Variants in PCDHGA2 observed in about 807,000 individuals in gnomAD.
PCDHGA2 encodes the protein protocadherin gamma-A2.
In PCDHGA2, 40 loss-of-function variants were observed where a neutral mutation model predicts 59.2. The observed-to-expected ratio is 0.68, with a 90% CI of 0.52 to 0.88. The LOEUF (loss-of-function observed/expected upper bound fraction) is 0.88, where lower values mean the gene tolerates loss of function less well. Among genes scored for constraint, PCDHGA2 ranks in the 40% least tolerant of loss-of-function variants. The pLI, the probability that PCDHGA2 is intolerant of heterozygous loss-of-function variation, is 0.00. For missense variants in PCDHGA2, 1,226 were observed against 1,204.0 expected (o/e 1.02, Z -0.27); for synonymous variants, 560 against 526.0 (o/e 1.06, Z -0.89).
At chr5:141,409,734 G>A in intron 1 of PCDHGA2, 1 of 1,613,144 alleles carries the variant, frequency 6.2e-7, no homozygotes, top group East Asian at 2.2e-5. Flanking sequence ...AGCGCGCAGA[G>A]CGGGGTGGTG....
intron 1 of PCDHGA2, chr5:141,419,140 G>A (rs1359933027): frequency 1.2e-6 from 2 of 1,613,750 alleles, no homozygotes; most frequent in East Asian, 2.2e-5. Flanking sequence ...CCACAGACAG[G>A]GGCAAGCCTC....
chr5:141,370,575 T>C (rs764870172), intron 1 of PCDHGA2: 17 of 1,613,766 alleles, frequency 1.1e-5, no homozygotes, highest in Admixed American at 1.7e-5. Context: ...CGTGGGGGAT[T>C]TACCTACTAG....
intron 1 of PCDHGA2, chr5:141,422,082 G>A (rs2096622921): frequency 6.2e-7 from 1 of 1,612,284 alleles, no homozygotes; most frequent in East Asian, 2.2e-5. Context: ...TTCGGAACAT[G>A]GAAAGCAAGG....
At chr5:141,389,227 C>A (rs1412412051) in intron 1 of PCDHGA2, 1 of 1,613,906 alleles carries the variant, frequency 6.2e-7, no homozygotes, top group Non-Finnish European at 8.5e-7. Context: ...GACAACGCTC[C>A]GGTTTTCTCA....
chr5:141,361,816 C>A, intron 1 of PCDHGA2: 2 of 1,613,084 alleles, frequency 1.2e-6, no homozygotes, highest in East Asian at 2.2e-5. Flanking sequence ...CAATGCGCCA[C>A]GGGTGCTGTA....
rs569220332 is a variant in PCDHGA2, at chr5:141,475,688, A to G, written c.2425-19119A>G. 2.0e-5 allele frequency among the ~76,000 whole-genome samples: 3 copies of G among 152,330 alleles called. No homozygotes were observed. In the South Asian group the frequency reaches 6.2e-4, roughly 32 times the overall value. On this transcript the variant is annotated intron_variant, in intron 1 of 3. Coordinates refer to ENST00000394576, the MANE Select transcript of PCDHGA2 (RefSeq NM_018915.4). ...TTTAATGAGTCTTGATTTGGATTGG[A>G]GACTTGCAGAACGGCTAGCCTCACA...
Position 141,431,655 on chromosome 5 carries a change from G to A in PCDHGA2, c.2425-63152G>A, listed in dbSNP as rs199998405. On this transcript the variant is annotated intron_variant, in intron 1 of 3. Transcript: ENST00000394576. This position sits in a 1 kb window ranked among gnomAD's most constrained non-coding sequence, Gnocchi z 4.8. Reference sequence around the variant, plus strand: ...GTTTTCAAACTAGATTGTAATTCAGGGACAATATCAACAATAGGGGAGTTG... The same window carrying A: ...GTTTTCAAACTAGATTGTAATTCAGAGACAATATCAACAATAGGGGAGTTG... 52 of 1,614,208 alleles carry A rather than the reference G, an allele frequency of 3.2e-5. No individual in the cohort carries two copies. The highest frequency in any genetic ancestry group is 3.3e-4 in the Middle Eastern group (2 of 6,062).
At position 141,476,813 on chromosome 5, in the gene PCDHGA2, A is replaced by G. The variant is rs749333814; in HGVS notation, c.2425-17994A>G. The G allele has an allele frequency of 6.8e-6, 11 of 1,613,548 alleles. No individual in the cohort carries two copies. Among genetic ancestry groups the G allele is most frequent in the Non-Finnish European group, 9.3e-6 (11 of 1,180,022 alleles). On this transcript the variant is annotated intron_variant, in intron 1 of 3. Transcript: ENST00000394576. The surrounding 1 kb of genome is among the most constrained non-coding windows in gnomAD (Gnocchi z 7.6). ...CTCCGCCAGCCTGCCTATTCACATC[A>G]AGGTGCTGGACGCGAATGACAATGC...
intron 1 of PCDHGA2, among the ~76,000 whole-genome samples, chr5:141,438,581 TACATAC>T (rs2097977343): frequency 4.0e-5 from 2 of 49,846 alleles, no homozygotes; most frequent in Non-Finnish European, 6.5e-5. Flanking sequence ...TATACATACA[TACATAC>T]ATACATATAT....
Position 141,496,888 on chromosome 5 carries a change from TA to T in PCDHGA2, c.2483+2038del, listed in dbSNP as rs35063790. 4.6e-3 allele frequency among the ~76,000 whole-genome samples: 621 copies of T among 133,932 alleles called. 1 individual carries two copies. Among genetic ancestry groups the T allele is most frequent in the Middle Eastern group, 0.011 (3 of 270 alleles). 87.9% of individuals were successfully genotyped at this position (133,932 alleles called of 152,430 possible). ...CTGAAAATTTGCAACAAGTAACACT[TA>T]AAAAAAAAAAAAAAGGCTGGGCACT... On this transcript the variant is annotated intron_variant, in intron 2 of 3. Coordinates refer to ENST00000394576, the MANE Select transcript of PCDHGA2 (RefSeq NM_018915.4).
chr5:141,403,707 T>C (rs2094445205), intron 1 of PCDHGA2: 2 of 1,613,778 alleles, frequency 1.2e-6, no homozygotes, highest in African/African-American at 2.7e-5. Flanking sequence ...GTTAAAGTCC[T>C]TGAGAACGTG....
intron 1 of PCDHGA2, 94 bp downstream of exon 1, chr5:141,341,489 T>A (rs1292718860): frequency 4.5e-6 from 7 of 1,568,532 alleles, no homozygotes; most frequent in Non-Finnish European, 5.2e-6. Context: ...CATATTTCCT[T>A]GAGGGTAGAG....
rs1589320809 is a variant in PCDHGA2, at chr5:141,398,163, G to A, written c.2424+56768G>A. 6 of 1,482,244 alleles carry A rather than the reference G, an allele frequency of 4.0e-6. No homozygotes were observed. The Admixed American group carries it at 1.0e-4, about 26-fold the overall frequency. The allele number at this position is 1,482,244 out of a possible 1,614,324, so 91.8% of individuals were successfully genotyped here. A position where few individuals can be genotyped will look rare whatever the true frequency, so the allele number is the denominator to read the frequency against. Reference sequence around the variant, plus strand: ...GCGCCGGGGAGCTGGGCCGGGCTGAGAGGCTGCCAGTGCTCTTTCTCTTCC... The same window carrying A: ...GCGCCGGGGAGCTGGGCCGGGCTGAAAGGCTGCCAGTGCTCTTTCTCTTCC... On this transcript the variant is annotated intron_variant, in intron 1 of 3. Transcript: ENST00000394576.
chr5:141,373,179 T>G (rs576905646), intron 1 of PCDHGA2, among the ~76,000 whole-genome samples: 1 of 152,360 alleles, frequency 6.6e-6, no homozygotes, highest in East Asian at 1.9e-4. Flanking sequence ...TCCTAAAATA[T>G]ATGAAACATT....
intron 1 of PCDHGA2, chr5:141,346,232 G>C (rs369304431): frequency 6.2e-7 from 1 of 1,614,170 alleles, no homozygotes; most frequent in Non-Finnish European, 8.5e-7. Context: ...GCGGCTTGGC[G>C]AGTACGCCCG....
chr5:141,472,557 A>G (rs2099288029), intron 1 of PCDHGA2, among the ~76,000 whole-genome samples: 3 of 152,044 alleles, frequency 2.0e-5, no homozygotes, highest in Admixed American at 1.3e-4. Flanking sequence ...AAAAAATTAT[A>G]TTATAAATGC....
At chr5:141,376,832 G>T (rs1773425503) in intron 1 of PCDHGA2, 2 of 257,250 alleles carry the variant, frequency 7.8e-6, no homozygotes, top group Non-Finnish European at 1.5e-5. Context: ...GACTACAGGC[G>T]CCCGCCACCG....
intron 3 of PCDHGA2, 40 bp downstream of exon 3, chr5:141,505,521 T>C: frequency 1.9e-6 from 3 of 1,612,684 alleles, no homozygotes; most frequent in Non-Finnish European, 2.5e-6. Context: ...GTGGGAGACC[T>C]GGGGTTCTGG....
rs1328089059 is a variant in PCDHGA2, at chr5:141,478,532, G to A, written c.2425-16275G>A. 4.4e-6 allele frequency: 7 copies of A among 1,607,742 alleles called. No homozygotes were observed. The East Asian group carries it at 1.6e-4, about 36-fold the overall frequency. On this transcript the variant is annotated intron_variant, in intron 1 of 3. Coordinates refer to ENST00000394576, the MANE Select transcript of PCDHGA2 (RefSeq NM_018915.4). Reference sequence around the variant, plus strand: ...TAGGCAGGTGTTGGGTGCAGAGAGCGCCCCTCCCGGACAGGTAAGGTTTAG... The same window carrying A: ...TAGGCAGGTGTTGGGTGCAGAGAGCACCCCTCCCGGACAGGTAAGGTTTAG...
Sources: allele counts gnomAD v4.1 joint callset (sites outside exome capture counted in the v4.1 genomes callset), GRCh38; gene constraint gnomAD v4.1.1; non-coding constraint Gnocchi (gnomAD v3.1); transcripts MANE v1.5; gene names NCBI Gene and HGNC (gene_info 2026-07-23, HGNC 2026-07-21).